The following ADGRB3 variants were observed in gnomAD, a reference collection of about 807,000 sequenced individuals.
ADGRB3 encodes the protein brain-specific angiogenesis inhibitor 3.
A neutral mutation model predicts 193.4 loss-of-function variants in ADGRB3; 37 were observed. The ratio of observed to expected loss-of-function variants is 0.19; its 90% CI spans 0.15 to 0.25. ADGRB3 has a LOEUF of 0.25. Ranked by LOEUF, ADGRB3 falls within the 10% of genes least tolerant of loss-of-function variation. The pLI is 1.00. For synonymous variants in ADGRB3, 690 were observed against 644.2 expected (o/e 1.07, Z -1.08); for missense variants, 1,637 against 1,852.9 (o/e 0.88, Z 2.14).
chr6:69,333,032 G>T (rs1768761160), intron 24 of ADGRB3, 24 bp downstream of exon 24: 1 of 1,608,468 alleles, frequency 6.2e-7, no homozygotes, highest in South Asian at 1.1e-5. Context: ...GGTGGATTTT[G>T]AAGGTTATTT....
chr6:68,860,558 C>G (rs1042717778), intron 3 of ADGRB3, among the ~76,000 whole-genome samples: 1 of 152,192 alleles, frequency 6.6e-6, no homozygotes, highest in African/African-American at 2.4e-5. Flanking sequence ...GCTGCAAAAG[C>G]CATGATTTCA....
intron 10 of ADGRB3, among the ~76,000 whole-genome samples, chr6:68,991,846 A>G (rs1217871961): frequency 6.6e-6 from 1 of 152,140 alleles, no homozygotes; most frequent in Non-Finnish European, 1.5e-5. Flanking sequence ...CTATTTTTCA[A>G]ATCTCAGAGG....
At chr6:68,774,955 T>A (rs1354375939) in intron 3 of ADGRB3, among the ~76,000 whole-genome samples, 1 of 151,572 alleles carries the variant, frequency 6.6e-6, no homozygotes, top group Admixed American at 6.6e-5. Flanking sequence ...GAAGGAGGAG[T>A]TCTGGAAGAC....
chr6:68,924,777 A>T (rs1415567283), intron 3 of ADGRB3, among the ~76,000 whole-genome samples: 4 of 152,010 alleles, frequency 2.6e-5, no homozygotes, highest in African/African-American at 7.2e-5. Context: ...CTGTAGCCAC[A>T]TATCTAGCTT....
intron 17 of ADGRB3, among the ~76,000 whole-genome samples, chr6:69,229,656 A>C (rs1458637626): frequency 6.6e-6 from 1 of 152,194 alleles, no homozygotes; most frequent in Non-Finnish European, 1.5e-5. Flanking sequence ...TGATTTCTTG[A>C]AACAGTTTTG....
intron 12 of ADGRB3, among the ~76,000 whole-genome samples, chr6:69,014,528 A>C (rs763244107): frequency 9.9e-5 from 15 of 152,150 alleles, no homozygotes; most frequent in Admixed American, 7.9e-4. Context: ...ATTCAAAGCC[A>C]AGAATTGTAA....
chr6:68,975,360 T>A lies in ADGRB3; in HGVS notation c.1734+20T>A, dbSNP rs190659375. 277 of 1,570,540 alleles carry A rather than the reference T, an allele frequency of 1.8e-4. 1 individual carries two copies. The African/African-American group carries it at 2.9e-3, about 17-fold the overall frequency. On this transcript the variant is annotated intron_variant, in intron 10 of 31. Coordinates refer to ENST00000370598, the MANE Select transcript of ADGRB3 (RefSeq NM_001704.3). ...CATTCAGTAGGTGCAAAGCCAGCTT[T>A]AGTACTTGCTCTGTTTATTTTTTGC...
At chr6:69,115,414 G>A (rs1396837295) in intron 17 of ADGRB3, among the ~76,000 whole-genome samples, 1 of 152,072 alleles carries the variant, frequency 6.6e-6, no homozygotes, top group Non-Finnish European at 1.5e-5. Context: ...ATGGACACAA[G>A]GAGGGGAACA....
At chr6:69,172,537 G>A (rs1232989853) in intron 17 of ADGRB3, among the ~76,000 whole-genome samples, 4 of 150,676 alleles carry the variant, frequency 2.7e-5, no homozygotes, top group South Asian at 2.1e-4. Flanking sequence ...CCAGCTGCTC[G>A]GGAGGCTGAG....
chr6:69,125,618 A>G (rs865947579), intron 17 of ADGRB3, among the ~76,000 whole-genome samples: 1 of 152,190 alleles, frequency 6.6e-6, no homozygotes. Flanking sequence ...CCCAGGCTTC[A>G]GAACTCTGAG....
At chr6:69,386,690 G>A (rs1037971258) in intron 31 of ADGRB3, among the ~76,000 whole-genome samples, 6 of 151,924 alleles carry the variant, frequency 3.9e-5, no homozygotes, top group Non-Finnish European at 7.4e-5. Flanking sequence ...TCCCGTCTCC[G>A]TGTTCTTTGG....
intron 3 of ADGRB3, among the ~76,000 whole-genome samples, chr6:68,886,424 C>T (rs1006813587): frequency 6.6e-6 from 1 of 152,054 alleles, no homozygotes. Flanking sequence ...TTTTCTCTAT[C>T]CAGAAAGTAA....
chr6:68,650,647 A>C (rs960819426), intron 3 of ADGRB3, among the ~76,000 whole-genome samples: 3 of 152,200 alleles, frequency 2.0e-5, no homozygotes, highest in South Asian at 2.1e-4. Context: ...TCACTGTCTC[A>C]AAACAAAACA....
At chr6:69,006,865 G>A (rs1769772839) in intron 11 of ADGRB3, among the ~76,000 whole-genome samples, 2 of 151,636 alleles carry the variant, frequency 1.3e-5, no homozygotes, top group Admixed American at 6.6e-5. Context: ...CTCTTCTTAT[G>A]AATTTACCTT....
At chr6:68,940,372 T>G (rs1460622088) in intron 5 of ADGRB3, among the ~76,000 whole-genome samples, 1 of 151,796 alleles carries the variant, frequency 6.6e-6, no homozygotes, top group Admixed American at 6.6e-5. Context: ...CCTTTACTCA[T>G]TAGATGCCAG....
chr6:69,334,185 A>G (rs71557617), intron 24 of ADGRB3, among the ~76,000 whole-genome samples: 10,869 of 151,588 alleles, frequency 0.072, 533 homozygotes, highest in Non-Finnish European at 0.11. Context: ...TCTCCTTTCC[A>G]TTGAACTGTA....
intron 13 of ADGRB3, among the ~76,000 whole-genome samples, chr6:69,031,660 G>T (rs1246952302): frequency 1.4e-5 from 2 of 141,622 alleles, no homozygotes; most frequent in Non-Finnish European, 3.1e-5. Flanking sequence ...TTTGAGACAG[G>T]TTCTTAATTT....
At chr6:69,335,063 A>G (rs1390731923) in intron 24 of ADGRB3, among the ~76,000 whole-genome samples, 3 of 152,160 alleles carry the variant, frequency 2.0e-5, no homozygotes, top group Admixed American at 6.5e-5. Flanking sequence ...TGATTCCACC[A>G]TCCAAGACAT....
intron 13 of ADGRB3, among the ~76,000 whole-genome samples, chr6:69,033,914 C>A (rs2150294904): frequency 6.6e-6 from 1 of 152,134 alleles, no homozygotes; most frequent in South Asian, 2.1e-4. Context: ...GAAGGCATAG[C>A]TGATGACTAC....
Sources: allele counts gnomAD v4.1 joint callset (sites outside exome capture counted in the v4.1 genomes callset), GRCh38; gene constraint gnomAD v4.1.1; transcripts MANE v1.5; gene names NCBI Gene and HGNC (gene_info 2026-07-23, HGNC 2026-07-21).